UAP1L1: variants seen among roughly 807,000 people sequenced by gnomAD.
UAP1L1 encodes UDP-N-acetylglucosamine pyrophosphorylase 1 like 1, also known as UDP-N-acetylhexosamine pyrophosphorylase-like protein 1.
In UAP1L1, 45 loss-of-function variants were observed where a neutral mutation model predicts 45.3. The ratio of observed to expected loss-of-function variants is 0.99; its 90% CI spans 0.78 to 1.27. UAP1L1 has a LOEUF of 1.27. Ranked by LOEUF, UAP1L1 falls within the 50% of genes most tolerant of loss-of-function variation. The pLI, the probability that UAP1L1 is intolerant of heterozygous loss-of-function variation, is 0.00. For synonymous variants in UAP1L1, 323 were observed against 303.9 expected (o/e 1.06, Z -0.65); for missense variants, 667 against 694.0 (o/e 0.96, Z 0.44).
At position 137,077,839 on chromosome 9, in the gene UAP1L1, C is replaced by A; in HGVS notation, c.289+18C>A. ...GGAGGAAGGTAAGCGGGGTGGGAGG[C>A]CCTGGGGGCCGGCAGGGGGTCGTGC... On this transcript the variant is annotated intron_variant, in intron 1 of 8. Transcript: ENST00000409858. The surrounding 1 kb of genome is among the most constrained non-coding windows in gnomAD (Gnocchi z 4.7). 5 of 1,426,604 alleles carry A rather than the reference C, an allele frequency of 3.5e-6. No homozygotes were observed. The highest frequency in any genetic ancestry group is 4.6e-6 in the Non-Finnish European group (5 of 1,095,226). The allele number at this position is 1,426,604 out of a possible 1,614,324, so 88.4% of individuals were successfully genotyped here.
At chr9:137,078,703 G>T in intron 3 of UAP1L1, 26 bp downstream of exon 3, 1 of 1,598,384 alleles carries the variant, frequency 6.3e-7, no homozygotes, top group African/African-American at 1.3e-5. Context: ...GAGACGGGGA[G>T]GGACCGCCCA....
intron 5 of UAP1L1, chr9:137,079,704 C>T (rs1832761816): frequency 1.7e-6 from 1 of 583,706 alleles, no homozygotes; most frequent in Non-Finnish European, 3.0e-6. Flanking sequence ...GCCATCTCCT[C>T]CTTCTGGGGA....
At chr9:137,081,182 T>TTTTA (rs1181082970) in intron 7 of UAP1L1, among the ~76,000 whole-genome samples, 1 of 152,166 alleles carries the variant, frequency 6.6e-6, no homozygotes, top group Non-Finnish European at 1.5e-5. Context: ...TAGATTTGGC[T>TTTTA]TTTATTTATT....
In UAP1L1 at chr9:137,078,921, C is replaced by T. The variant is rs1002418468; in HGVS notation, c.671-55C>T. The T allele has an allele frequency of 7.1e-6, 11 of 1,539,022 alleles. No individual in the cohort carries two copies. The African/African-American group carries it at 1.2e-4, about 17-fold the overall frequency. On this transcript the variant is annotated intron_variant, in intron 3 of 8. Transcript: ENST00000409858. ...CCGCCTCCAGCACGTCCTAGACTCC[C>T]AGAGCGATCCCTGGCGGGAGCCCTC... is the stretch of plus-strand genomic sequence containing the variant.
At chr9:137,080,238 G>A in intron 6 of UAP1L1, 96 bp downstream of exon 6, 1 of 1,513,072 alleles carries the variant, frequency 6.6e-7, no homozygotes, top group South Asian at 1.2e-5. Context: ...GAGGCTTGAG[G>A]GAGCCAAGGG....
At chr9:137,081,620 C>T (rs1047240503) in intron 7 of UAP1L1, among the ~76,000 whole-genome samples, 2 of 152,058 alleles carry the variant, frequency 1.3e-5, no homozygotes, top group Non-Finnish European at 2.9e-5. Context: ...CAACGTTGTT[C>T]CCATTTATTC....
rs1400308783 is a variant in UAP1L1, at chr9:137,080,829, C to T, written c.1319C>T (p.Ala440Val). ...TACCGGTGGGCTCTGCGGGCCGGGG[C>T]CCGCTTCCTGGATGCCCATGGGGCC... ...QHYRWALRAGARFLDAHGAWL... is the reference protein window; with the variant it reads ...QHYRWALRAGVRFLDAHGAWL... Residue 440 changes from alanine to valine, a missense_variant, in exon 7 of 9, where the codon GCC becomes GTC. Ala to Val is a moderately conservative substitution (Grantham distance 64). Coordinates refer to ENST00000409858, the MANE Select transcript of UAP1L1 (RefSeq NM_207309.3). 5.6e-6 allele frequency: 9 copies of T among 1,608,710 alleles called. No individual in the cohort carries two copies. Among genetic ancestry groups the T allele is most frequent in the East Asian group, 4.5e-5 (2 of 44,860 alleles).
In UAP1L1 at chr9:137,083,980, C is replaced by G. The variant is rs1832829661; in HGVS notation, c.*1251C>G. ...GGAGGACAGTGGCTGAGTGGAGGCG[C>G]CCAGACCTGGGCAGGCAGCAGGCTC... On this transcript the variant is annotated 3_prime_UTR_variant, in exon 9 of 9. Coordinates refer to ENST00000409858, the MANE Select transcript of UAP1L1 (RefSeq NM_207309.3). The G allele has an allele frequency of 6.6e-6, 1 of 152,658 alleles. No homozygotes were observed. Among genetic ancestry groups the G allele is most frequent in the East Asian group, 1.9e-4 (1 of 5,194 alleles). 9.5% of individuals were successfully genotyped at this position (152,658 alleles called of 1,614,324 possible).
At position 137,079,889 on chromosome 9, in the gene UAP1L1, CCTT is replaced by C. The variant is rs552283909; in HGVS notation, c.1038-110_1038-108del. 252 of 1,305,918 alleles carry C rather than the reference CCTT, an allele frequency of 1.9e-4. No individual in the cohort carries two copies. The African/African-American group carries it at 3.2e-3, about 16-fold the overall frequency. 80.9% of individuals were successfully genotyped at this position (1,305,918 alleles called of 1,614,324 possible). On this transcript the variant is annotated intron_variant, in intron 5 of 8. Transcript: ENST00000409858. The stretch of plus-strand genomic sequence containing the variant: ...CTGCCGCTTCTGTGCCCTGTAGTGT[CCTT>C]CTGCCATCCTGTCCCACCCAGCTGG...
At position 137,082,759 on chromosome 9, in the gene UAP1L1, A is replaced by G. The variant is rs1425518858; in HGVS notation, c.*30A>G. ...CCCAGACTGTCCCCAGACTCCCCCGAGACCTGCCAGCCCCGGCATCCTGGA... is the reference window on the plus strand; with the variant it reads ...CCCAGACTGTCCCCAGACTCCCCCGGGACCTGCCAGCCCCGGCATCCTGGA... On this transcript the variant is annotated 3_prime_UTR_variant, in exon 9 of 9. Coordinates refer to ENST00000409858, the MANE Select transcript of UAP1L1 (RefSeq NM_207309.3). The surrounding 1 kb of genome is among the most constrained non-coding windows in gnomAD (Gnocchi z 5.7). 6.6e-7 allele frequency: 1 copy of G among 1,520,230 alleles called. No individual in the cohort carries two copies. The allele number at this position is 1,520,230 out of a possible 1,614,324, so 94.2% of individuals were successfully genotyped here.
Position 137,077,654 on chromosome 9 carries a change from T to C in UAP1L1, c.122T>C (p.Leu41Pro), listed in dbSNP as rs1174689875. 1.1e-5 allele frequency: 14 copies of C among 1,281,218 alleles called. No homozygotes were observed. The highest frequency in any genetic ancestry group is 1.4e-5 in the Non-Finnish European group (14 of 1,002,180). 79.4% of individuals were successfully genotyped at this position (1,281,218 alleles called of 1,614,324 possible). Residue 41 changes from leucine (L) to proline (P), a missense_variant, in exon 1 of 9, where the codon CTG (leucine) becomes CCG (proline). Coordinates refer to ENST00000409858, the MANE Select transcript of UAP1L1 (RefSeq NM_207309.3). This position sits in a 1 kb window ranked among gnomAD's most constrained non-coding sequence, Gnocchi z 4.7. ...RAALLAELAL[L>P]EPEALREHCR... ...GCGCTGCTGGCGGAGCTGGCGCTGC[T>C]GGAGCCCGAGGCGCTGCGCGAGCAC...
chr9:137,082,272 G>A lies in UAP1L1; in HGVS notation c.1431+208G>A. The A allele has an allele frequency of 1.6e-6, 1 of 625,930 alleles. No individual in the cohort carries two copies. Among genetic ancestry groups the A allele is most frequent in the Non-Finnish European group, 2.8e-6 (1 of 351,634 alleles). 38.8% of individuals were successfully genotyped at this position (625,930 alleles called of 1,614,324 possible). On this transcript the variant is annotated intron_variant, in intron 8 of 8. Coordinates refer to ENST00000409858, the MANE Select transcript of UAP1L1 (RefSeq NM_207309.3). The surrounding 1 kb of genome is among the most constrained non-coding windows in gnomAD (Gnocchi z 5.7). ...GCCTTTGCAGGTCCTGGGAGGGCAT[G>A]GGGATGAGACAGCCCAGGTCTGAGC...
intron 7 of UAP1L1, 64 bp from the exon 8 acceptor site, chr9:137,081,934 G>A: frequency 6.7e-7 from 1 of 1,490,330 alleles, no homozygotes; most frequent in Non-Finnish European, 9.3e-7. Context: ...TCGGGACTGG[G>A]GGTGCTGGGG....
chr9:137,078,412 C>A, intron 2 of UAP1L1, 90 bp from the exon 3 acceptor site: 1 of 1,601,722 alleles, frequency 6.2e-7, no homozygotes. Context: ...GGACACTGGA[C>A]CCCGAACCCC....
Position 137,080,761 on chromosome 9 carries a change from G to T in UAP1L1, c.1251G>T (p.Arg417Ser). ...SPLKNAEPAD[R>S]DSPRTARQAL... is the part of the protein sequence containing the mutation. ...TGAAGAACGCAGAGCCAGCCGACAG[G>T]GACAGTCCCCGCACCGCTCGCCAGG... Residue 417 changes from arginine to serine, a missense_variant, in exon 7 of 9, where the codon AGG (arginine) becomes AGT (serine). Transcript: ENST00000409858. The T allele has an allele frequency of 6.2e-7, 1 of 1,612,854 alleles. No individual in the cohort carries two copies. Among genetic ancestry groups the T allele is most frequent in the Non-Finnish European group, 8.5e-7 (1 of 1,179,940 alleles).
chr9:137,081,616 T>C lies in UAP1L1; in HGVS notation c.1365-382T>C, dbSNP rs11145989. Among the ~76,000 whole-genome samples, 155 of 152,290 alleles carry C rather than the reference T, an allele frequency of 1.0e-3. 3 individuals are homozygous for C. In the East Asian group the frequency reaches 0.027, roughly 26 times the overall value. On this transcript the variant is annotated intron_variant, in intron 7 of 8. Coordinates refer to ENST00000409858, the MANE Select transcript of UAP1L1 (RefSeq NM_207309.3). ...AGGGGATCCATCACCCAACCAACGT[T>C]GTTCCCATTTATTCACAGGCTTTGA...
rs1832825664 is a variant in UAP1L1 at position 137,083,572 on chromosome 9, G to C, written c.*843G>C. 6.6e-6 allele frequency: 1 copy of C among 152,294 alleles called. No homozygotes were observed. The highest frequency in any genetic ancestry group is 2.1e-4 in the South Asian group (1 of 4,832). 9.4% of individuals were successfully genotyped at this position (152,294 alleles called of 1,614,324 possible). A position where few individuals can be genotyped will look rare whatever the true frequency, so the allele number is the denominator to read the frequency against. On this transcript the variant is annotated 3_prime_UTR_variant, in exon 9 of 9. Coordinates refer to ENST00000409858, the MANE Select transcript of UAP1L1 (RefSeq NM_207309.3). ...GTTGCTGACTAATCCGGGATTTCAT[G>C]AGTCAGAGGCACCACCCCTCACCCC...
At chr9:137,081,230 C>T (rs1039381297) in intron 7 of UAP1L1, among the ~76,000 whole-genome samples, 10 of 151,726 alleles carry the variant, frequency 6.6e-5, no homozygotes, top group Non-Finnish European at 1.2e-4. Flanking sequence ...GATGGAGTCT[C>T]GCTCTGTCGC....
In UAP1L1 at chr9:137,082,401, G is replaced by T; in HGVS notation, c.1432-236G>T. ...CTGCCCTTGCCCCTTTCTCTGGTCA[G>T]GTCAGACCTGTGCGTGACAGGAGGG... is the stretch of plus-strand genomic sequence containing the variant. On this transcript the variant is annotated intron_variant, in intron 8 of 8. Transcript: ENST00000409858. The surrounding 1 kb of genome is among the most constrained non-coding windows in gnomAD (Gnocchi z 5.7). 1.7e-6 allele frequency: 1 copy of T among 595,208 alleles called. No individual in the cohort carries two copies. The highest frequency in any genetic ancestry group is 3.0e-6 in the Non-Finnish European group (1 of 334,080). 36.9% of individuals were successfully genotyped at this position (595,208 alleles called of 1,614,324 possible). A position where few individuals can be genotyped will look rare whatever the true frequency, so the allele number is the denominator to read the frequency against.
Sources: gnomAD v4.1 joint callset for allele counts (sites outside exome capture counted in the v4.1 genomes callset) on GRCh38, gnomAD v4.1.1 for gene constraint, Gnocchi (gnomAD v3.1) non-coding constraint, MANE v1.5 for transcripts, NCBI Gene and HGNC (gene_info 2026-07-23, HGNC 2026-07-21) for gene names.